The following UNC5C variants were observed in gnomAD, a reference collection of about 807,000 sequenced individuals.
UNC5C encodes the protein unc-5 netrin receptor C, also known as netrin receptor UNC5C.
UNC5C carries 47 observed loss-of-function variants against 99.8 expected under a neutral mutation model. The ratio of observed to expected loss-of-function variants is 0.47; its 90% CI spans 0.37 to 0.60. The LOEUF is 0.60. Among genes scored for constraint, UNC5C ranks in the 20% least tolerant of loss-of-function variants. The pLI, the probability that UNC5C is intolerant of heterozygous loss-of-function variation, is 0.00. For missense variants in UNC5C, 1,062 were observed against 1,165.9 expected (o/e 0.91, Z 1.30); for synonymous variants, 487 against 452.2 (o/e 1.08, Z -0.98).
At chr4:95,452,763 A>T (rs560192027) in intron 1 of UNC5C, among the ~76,000 whole-genome samples, 1 of 152,314 alleles carries the variant, frequency 6.6e-6, no homozygotes, top group African/African-American at 2.4e-5. Flanking sequence ...TGAGGTTTAA[A>T]GAATTATAGG....
intron 1 of UNC5C, among the ~76,000 whole-genome samples, chr4:95,483,004 TATAATAATAATAATAATAATA>T (rs71970821): frequency 7.7e-5 from 8 of 103,432 alleles, no homozygotes; most frequent in East Asian, 7.5e-4. Context: ...AAACTTAAAG[TATAATAATAATAATAATAATA>T]ATAATAATAA....
At chr4:95,354,479 A>ATATATTTTTTTATT in intron 1 of UNC5C, among the ~76,000 whole-genome samples, 1 of 110,352 alleles carries the variant, frequency 9.1e-6, no homozygotes, top group Non-Finnish European at 1.8e-5. Context: ...ATATATATAT[A>ATATATTTTTTTATT]TTTTTTTTTT....
At chr4:95,254,486 C>T (rs993448870) in intron 4 of UNC5C, among the ~76,000 whole-genome samples, 6 of 152,156 alleles carry the variant, frequency 3.9e-5, no homozygotes, top group Non-Finnish European at 8.8e-5. Flanking sequence ...TTTAAGCTCC[C>T]CAAGGGTTGT....
intron 1 of UNC5C, among the ~76,000 whole-genome samples, chr4:95,452,755 AG>A (rs1406934652): frequency 6.6e-6 from 1 of 152,188 alleles, no homozygotes; most frequent in African/African-American, 2.4e-5. Context: ...ATGAGCATTG[AG>A]GTTTAAAGAA....
At chr4:95,492,383 T>C (rs932057281) in intron 1 of UNC5C, among the ~76,000 whole-genome samples, 6 of 151,390 alleles carry the variant, frequency 4.0e-5, no homozygotes, top group Non-Finnish European at 8.9e-5. Context: ...ATGTTTCTGC[T>C]TCCTGTTAAA....
chr4:95,544,236 T>C (rs1234958116), intron 1 of UNC5C, among the ~76,000 whole-genome samples: 1 of 152,172 alleles, frequency 6.6e-6, no homozygotes, highest in Non-Finnish European at 1.5e-5. Context: ...TTAGGAAACA[T>C]TGGTAATCAC....
chr4:95,255,738 C>A (rs1032450208), intron 4 of UNC5C, among the ~76,000 whole-genome samples: 1 of 152,106 alleles, frequency 6.6e-6, no homozygotes, highest in Non-Finnish European at 1.5e-5. Context: ...TCATTTCCAC[C>A]AGCCTGCAGA....
rs927625807 is a variant in UNC5C, at chr4:95,168,969, A to G, written c.*265T>C. On this transcript the variant is annotated 3_prime_UTR_variant, in exon 16 of 16. Transcript: ENST00000453304. ...ACTGTAAGATCCTGTACCACACAGC[A>G]TACAGCCCAACTAAGAGGAAAATTA... The G allele has an allele frequency of 8.9e-6, 4 of 451,018 alleles. No homozygotes were observed. Among genetic ancestry groups the G allele is most frequent in the Non-Finnish European group, 1.6e-5 (4 of 248,832 alleles). 27.9% of individuals were successfully genotyped at this position (451,018 alleles called of 1,614,324 possible).
At chr4:95,485,355 A>G (rs908895324) in intron 1 of UNC5C, among the ~76,000 whole-genome samples, 2 of 151,804 alleles carry the variant, frequency 1.3e-5, no homozygotes, top group Non-Finnish European at 2.9e-5. Flanking sequence ...AAATTGAAAT[A>G]CCACAAGCTA....
chr4:95,426,185 G>A (rs909425187), intron 1 of UNC5C, among the ~76,000 whole-genome samples: 12 of 152,068 alleles, frequency 7.9e-5, no homozygotes, highest in African/African-American at 1.4e-4. Flanking sequence ...AATTCTTGCC[G>A]TATTTCAAAG....
chr4:95,283,970 A>C (rs1331924075), intron 3 of UNC5C, among the ~76,000 whole-genome samples: 1 of 152,244 alleles, frequency 6.6e-6, no homozygotes, highest in Non-Finnish European at 1.5e-5. Flanking sequence ...ATAAATCCAT[A>C]CACTGAAATC....
chr4:95,296,663 G>A (rs1741679757), intron 3 of UNC5C, among the ~76,000 whole-genome samples: 1 of 152,110 alleles, frequency 6.6e-6, no homozygotes, highest in Non-Finnish European at 1.5e-5. Context: ...GTGGAATGTA[G>A]ACTGGCAATT....
chr4:95,177,215 C>A (rs540813562), intron 14 of UNC5C, among the ~76,000 whole-genome samples: 1 of 152,204 alleles, frequency 6.6e-6, no homozygotes, highest in Non-Finnish European at 1.5e-5. Flanking sequence ...GCGTCGCTCA[C>A]ACTGGGAGCT....
chr4:95,236,877 A>G (rs550899544), intron 7 of UNC5C, among the ~76,000 whole-genome samples: 2 of 152,158 alleles, frequency 1.3e-5, no homozygotes, highest in Non-Finnish European at 2.9e-5. Flanking sequence ...ATTTTTTACA[A>G]TAACAAAGAA....
At chr4:95,526,288 C>G (rs959210744) in intron 1 of UNC5C, among the ~76,000 whole-genome samples, 69 of 151,994 alleles carry the variant, frequency 4.5e-4, no homozygotes, top group African/African-American at 1.5e-3. Context: ...CCCTTTCCTG[C>G]ACAAAAATGA....
At chr4:95,531,374 A>G (rs1722637236) in intron 1 of UNC5C, among the ~76,000 whole-genome samples, 1 of 152,204 alleles carries the variant, frequency 6.6e-6, no homozygotes, top group African/African-American at 2.4e-5. Context: ...GATTACAAAC[A>G]ACTACCAGTT....
chr4:95,373,024 C>A (rs1320803970), intron 1 of UNC5C, among the ~76,000 whole-genome samples: 1 of 152,106 alleles, frequency 6.6e-6, no homozygotes, highest in Admixed American at 6.6e-5. Flanking sequence ...TTCCTAAAGA[C>A]CAAATATACC....
chr4:95,536,587 T>C (rs901747470), intron 1 of UNC5C, among the ~76,000 whole-genome samples: 1 of 152,234 alleles, frequency 6.6e-6, no homozygotes, highest in Non-Finnish European at 1.5e-5. Context: ...AGTTCATAGA[T>C]GTGTGTAAAT....
intron 4 of UNC5C, among the ~76,000 whole-genome samples, chr4:95,269,386 C>G (rs1211889371): frequency 1.3e-5 from 2 of 152,148 alleles, no homozygotes; most frequent in African/African-American, 4.8e-5. Flanking sequence ...CTTCGACCTC[C>G]CAGGCTCGAG....
Sources: gnomAD v4.1 joint callset for allele counts (sites outside exome capture counted in the v4.1 genomes callset) on GRCh38, gnomAD v4.1.1 for gene constraint, MANE v1.5 for transcripts, NCBI Gene and HGNC (gene_info 2026-07-23, HGNC 2026-07-21) for gene names.